The following LHFPL3 variants were observed in gnomAD, a reference collection of about 807,000 sequenced individuals.
LHFPL3 encodes LHFPL tetraspan subfamily member 3, also known as LHFPL tetraspan subfamily member 3 protein.
A neutral mutation model predicts 19.3 loss-of-function variants in LHFPL3; 5 were observed. The observed-to-expected ratio is 0.26, with a 90% CI of 0.14 to 0.54. LHFPL3 has a LOEUF of 0.54. Among genes scored for constraint, LHFPL3 ranks in the 20% least tolerant of loss-of-function variants. The probability of loss-of-function intolerance (pLI) is 0.94; values close to 1 mark genes in which losing one functional copy is unlikely to be tolerated. For missense variants in LHFPL3, 249 were observed against 307.4 expected, an observed-to-expected ratio of 0.81 and a Z score of 1.42; for synonymous variants, 133 against 126.2, an observed-to-expected ratio of 1.05 and a Z score of -0.36.
intron 2 of LHFPL3, among the ~76,000 whole-genome samples, chr7:104,844,098 C>A (rs1243360332): frequency 6.6e-6 from 1 of 152,204 alleles, no homozygotes; most frequent in Non-Finnish European, 1.5e-5. Context: ...CCATCCTTCC[C>A]TGTTTGACCA....
chr7:104,419,203 G>A (rs764486216), intron 1 of LHFPL3, among the ~76,000 whole-genome samples: 2 of 152,222 alleles, frequency 1.3e-5, no homozygotes, highest in Non-Finnish European at 2.9e-5. Flanking sequence ...TATGGATGAT[G>A]CTTTGATGTC....
intron 2 of LHFPL3, among the ~76,000 whole-genome samples, chr7:104,802,195 C>T (rs1053402671): frequency 3.3e-5 from 5 of 151,976 alleles, no homozygotes; most frequent in Non-Finnish European, 5.9e-5. Flanking sequence ...GGAATTAGTG[C>T]CCTTATAAAA....
At chr7:104,778,360 C>A (rs558481697) in intron 2 of LHFPL3, among the ~76,000 whole-genome samples, 2 of 152,266 alleles carry the variant, frequency 1.3e-5, no homozygotes, top group East Asian at 1.9e-4. Context: ...AGTTGACTAT[C>A]AGAATGGCTG....
At chr7:104,549,405 TA>T (rs1178816940) in intron 1 of LHFPL3, among the ~76,000 whole-genome samples, 4 of 151,726 alleles carry the variant, frequency 2.6e-5, no homozygotes, top group South Asian at 4.2e-4. Context: ...AGTAGCCTAT[TA>T]TTTTTTTGAG....
intron 1 of LHFPL3, among the ~76,000 whole-genome samples, chr7:104,509,266 GAA>G (rs5886324): frequency 7.8e-4 from 113 of 145,540 alleles, no homozygotes; most frequent in African/African-American, 2.6e-3. Flanking sequence ...AGGAAGAAAG[GAA>G]AAAAAAAAAG....
rs536101001 is a variant in LHFPL3, at chr7:104,604,488, A to C, written c.446-132187A>C. Reference sequence around the variant, plus strand: ...CTGGCTCCCTTCTGCTCATCTCCTTAGCGGATGGCCACTTGGCCACACCCT... The same window carrying C: ...CTGGCTCCCTTCTGCTCATCTCCTTCGCGGATGGCCACTTGGCCACACCCT... On this transcript the variant is annotated intron_variant, in intron 1 of 2. Transcript: ENST00000424859. 2.0e-5 allele frequency among the ~76,000 whole-genome samples: 3 copies of C among 152,280 alleles called. No individual in the cohort carries two copies. In the South Asian group the frequency reaches 6.2e-4, roughly 32 times the overall value.
chr7:104,823,428 G>C (rs1790716409), intron 2 of LHFPL3, among the ~76,000 whole-genome samples: 2 of 152,158 alleles, frequency 1.3e-5, no homozygotes, highest in Non-Finnish European at 2.9e-5. Flanking sequence ...TGTATGGTCT[G>C]AGCCCTTCTG....
chr7:104,384,799 A>G (rs4730003), intron 1 of LHFPL3, among the ~76,000 whole-genome samples: 47,033 of 144,884 alleles, frequency 0.32, 7,874 homozygotes, highest in Admixed American at 0.47. Flanking sequence ...AAAAAAAAAA[A>G]AAAAAAAAAA....
chr7:104,461,015 T>G (rs749494847), intron 1 of LHFPL3, among the ~76,000 whole-genome samples: 1 of 152,212 alleles, frequency 6.6e-6, no homozygotes, highest in Non-Finnish European at 1.5e-5. Flanking sequence ...ATTCTCACAC[T>G]GCTAATAAAG....
chr7:104,739,427 T>C (rs78457311), intron 2 of LHFPL3, among the ~76,000 whole-genome samples: 13,264 of 152,298 alleles, frequency 0.087, 796 homozygotes, highest in Non-Finnish European at 0.13. Flanking sequence ...AAATTAAATG[T>C]CATCAATGCT....
intron 2 of LHFPL3, among the ~76,000 whole-genome samples, chr7:104,837,952 T>G (rs1341900216): frequency 6.6e-6 from 1 of 152,210 alleles, no homozygotes; most frequent in East Asian, 1.9e-4. Context: ...CTTCAGAAAC[T>G]ATATAAACAT....
chr7:104,467,561 T>G (rs1410414448), intron 1 of LHFPL3, among the ~76,000 whole-genome samples: 1 of 152,236 alleles, frequency 6.6e-6, no homozygotes, highest in Non-Finnish European at 1.5e-5. Context: ...GGGATTAATC[T>G]CTTTTATTAT....
chr7:104,816,943 G>T (rs975471313), intron 2 of LHFPL3, among the ~76,000 whole-genome samples: 6 of 152,180 alleles, frequency 3.9e-5, no homozygotes, highest in African/African-American at 1.2e-4. Context: ...ACACACTTCT[G>T]ACTGTGACCA....
intron 1 of LHFPL3, among the ~76,000 whole-genome samples, chr7:104,553,949 T>G (rs530456767): frequency 6.6e-6 from 1 of 152,280 alleles, no homozygotes; most frequent in African/African-American, 2.4e-5. Context: ...ATTTATCCCT[T>G]CTCTCAGTGA....
intron 2 of LHFPL3, chr7:104,803,549 A>G (rs1201170623): frequency 3.9e-5 from 6 of 152,168 alleles, no homozygotes; most frequent in African/African-American, 1.4e-4. Flanking sequence ...CATCCTACTC[A>G]GCTTAGCAGA....
intron 1 of LHFPL3, among the ~76,000 whole-genome samples, chr7:104,522,950 C>T (rs1324197351): frequency 7.2e-6 from 1 of 139,404 alleles, no homozygotes; most frequent in Non-Finnish European, 1.6e-5. Flanking sequence ...CATCTGCTGT[C>T]TGTCTCTCTC....
chr7:104,648,837 A>G (rs1203247436), intron 1 of LHFPL3, among the ~76,000 whole-genome samples: 2 of 152,214 alleles, frequency 1.3e-5, no homozygotes, highest in Non-Finnish European at 2.9e-5. Context: ...CTATGGCACA[A>G]TTCTCTTCAT....
At chr7:104,749,018 C>T (rs888636486) in intron 2 of LHFPL3, among the ~76,000 whole-genome samples, 2 of 152,178 alleles carry the variant, frequency 1.3e-5, no homozygotes, top group African/African-American at 2.4e-5. Context: ...GTCTGAGTTT[C>T]CTCTTAAGAT....
At chr7:104,381,150 C>G (rs1790820634) in intron 1 of LHFPL3, among the ~76,000 whole-genome samples, 1 of 152,146 alleles carries the variant, frequency 6.6e-6, no homozygotes, top group African/African-American at 2.4e-5. Flanking sequence ...ACCCATGGTT[C>G]ACTTGTGACA....
Sources: gnomAD v4.1 joint callset for allele counts (sites outside exome capture counted in the v4.1 genomes callset) on GRCh38, gnomAD v4.1.1 for gene constraint, MANE v1.5 for transcripts, NCBI Gene and HGNC (gene_info 2026-07-23, HGNC 2026-07-21) for gene names.